FMN1: variants seen among roughly 807,000 people sequenced by gnomAD.
FMN1 encodes the protein formin 1.
A neutral mutation model predicts 132.4 loss-of-function variants in FMN1; 110 were observed. The observed-to-expected ratio is 0.83, with a 90% CI of 0.71 to 0.97. The LOEUF is 0.97. Among genes scored for constraint, FMN1 ranks in the 50% least tolerant of loss-of-function variants. The probability of loss-of-function intolerance (pLI) is 0.00; values close to 1 mark genes in which losing one functional copy is unlikely to be tolerated. For missense variants in FMN1, 1,792 were observed against 1,705.3 expected (o/e 1.05, Z -0.90); for synonymous variants, 722 against 651.7 (o/e 1.11, Z -1.64).
At chr15:32,783,356 A>C (rs560782706) in intron 19 of FMN1, among the ~76,000 whole-genome samples, 1 of 152,230 alleles carries the variant, frequency 6.6e-6, no homozygotes, top group African/African-American at 2.4e-5. Context: ...GTAAATACCA[A>C]GTGCTGCCAA....
At chr15:33,127,405 G>A (rs751072770) in intron 4 of FMN1, among the ~76,000 whole-genome samples, 8 of 152,144 alleles carry the variant, frequency 5.3e-5, no homozygotes, top group Non-Finnish European at 1.2e-4. Flanking sequence ...CTCAAAGGAT[G>A]GACCAGAACA....
chr15:32,987,983 T>C (rs1342380197), intron 7 of FMN1, among the ~76,000 whole-genome samples: 13 of 151,842 alleles, frequency 8.6e-5, no homozygotes, highest in Non-Finnish European at 1.9e-4. Context: ...GGGTAGTGCC[T>C]CGTTGCAGGT....
chr15:32,963,058 G>T (rs1326341074), intron 9 of FMN1, among the ~76,000 whole-genome samples: 1 of 146,502 alleles, frequency 6.8e-6, no homozygotes, highest in Non-Finnish European at 1.5e-5. Flanking sequence ...GTTTATTGTG[G>T]CATTATTCAC....
At position 32,915,643 on chromosome 15, in the gene FMN1, C is replaced by A. The variant is rs146021461; in HGVS notation, c.3227-5108G>T. On this transcript the variant is annotated intron_variant, in intron 10 of 20. Coordinates refer to ENST00000616417, the MANE Select transcript of FMN1 (RefSeq NM_001277313.2). Reference sequence around the variant, plus strand: ...GCCTCAAAGCTCTGATACAGTAATTCCAAGTAATCCTACTTTTGTTTCCAT... The same window carrying A: ...GCCTCAAAGCTCTGATACAGTAATTACAAGTAATCCTACTTTTGTTTCCAT... Among the ~76,000 whole-genome samples the A allele has an allele frequency of 7.9e-5, 12 of 151,380 alleles. No individual in the cohort carries two copies. The East Asian group carries it at 2.1e-3, about 27-fold the overall frequency.
intron 6 of FMN1, among the ~76,000 whole-genome samples, chr15:33,020,625 C>G (rs1300934248): frequency 2.3e-5 from 3 of 128,792 alleles, no homozygotes; most frequent in African/African-American, 9.2e-5. Context: ...GAGACAAGAG[C>G]GAAACTCCGT....
intron 3 of FMN1, among the ~76,000 whole-genome samples, chr15:33,160,166 A>G (rs1172481669): frequency 6.6e-6 from 1 of 152,086 alleles, no homozygotes; most frequent in Non-Finnish European, 1.5e-5. Flanking sequence ...GAACTTAAAC[A>G]CCATACGAAG....
intron 6 of FMN1, among the ~76,000 whole-genome samples, chr15:33,048,437 G>A (rs1289186512): frequency 6.6e-6 from 1 of 151,816 alleles, no homozygotes; most frequent in Non-Finnish European, 1.5e-5. Context: ...GCATGTTGTA[G>A]ATGGTCTTTG....
chr15:32,904,096 C>A (rs1456637818), intron 12 of FMN1, among the ~76,000 whole-genome samples: 1 of 152,096 alleles, frequency 6.6e-6, no homozygotes, highest in East Asian at 1.9e-4. Context: ...GCTTAATCTA[C>A]AGTCCCATCT....
chr15:33,124,332 TG>T lies in FMN1; in HGVS notation c.1867+28715del, dbSNP rs546565502. 1.3e-4 allele frequency among the ~76,000 whole-genome samples: 20 copies of T among 152,350 alleles called. 1 individual carries two copies. The East Asian group carries it at 3.9e-3, about 29-fold the overall frequency. On this transcript the variant is annotated intron_variant, in intron 4 of 20. Coordinates refer to ENST00000616417, the MANE Select transcript of FMN1 (RefSeq NM_001277313.2). ...GAAGGGGGTCTGGTCAGCGTCTTGC[TG>T]TGCTGTTATAGCCTCTCCGGGCTAC...
chr15:32,841,743 G>A (rs996003250), intron 17 of FMN1, among the ~76,000 whole-genome samples: 18 of 152,290 alleles, frequency 1.2e-4, no homozygotes, highest in African/African-American at 4.3e-4. Flanking sequence ...TCAGGAGAAT[G>A]AGAAAATCCT....
intron 16 of FMN1, among the ~76,000 whole-genome samples, chr15:32,874,975 C>T (rs1303400371): frequency 6.6e-6 from 1 of 152,180 alleles, no homozygotes; most frequent in Admixed American, 6.5e-5. Context: ...TGGGCGTTTC[C>T]CCTTTCTGTT....
At chr15:32,998,935 GA>G (rs923239054) in intron 7 of FMN1, among the ~76,000 whole-genome samples, 1 of 152,196 alleles carries the variant, frequency 6.6e-6, no homozygotes, top group African/African-American at 2.4e-5. Flanking sequence ...CCTTTTCCAT[GA>G]AAATTCAAGT....
chr15:33,132,406 G>C (rs1020903874), intron 4 of FMN1, among the ~76,000 whole-genome samples: 2 of 152,260 alleles, frequency 1.3e-5, no homozygotes, highest in Middle Eastern at 3.4e-3. Context: ...GTAGGCTTCA[G>C]GCATAAAGAA....
At chr15:33,057,459 T>A (rs955547598) in intron 6 of FMN1, among the ~76,000 whole-genome samples, 1 of 152,286 alleles carries the variant, frequency 6.6e-6, no homozygotes, top group East Asian at 1.9e-4. Context: ...TTCATATATA[T>A]TGTCTTATCT....
At chr15:32,787,436 C>T (rs1042019294) in intron 19 of FMN1, among the ~76,000 whole-genome samples, 3 of 152,238 alleles carry the variant, frequency 2.0e-5, no homozygotes, top group Admixed American at 1.3e-4. Context: ...CACCGACCAC[C>T]TCCTGTGCCT....
intron 15 of FMN1, among the ~76,000 whole-genome samples, chr15:32,893,458 CTTAA>C (rs1436667809): frequency 6.6e-6 from 1 of 152,222 alleles, no homozygotes; most frequent in Non-Finnish European, 1.5e-5. Flanking sequence ...ATGAAAGCTG[CTTAA>C]TTAGAGTTAA....
intron 5 of FMN1, among the ~76,000 whole-genome samples, chr15:33,071,461 T>C (rs1231200484): frequency 1.3e-5 from 2 of 152,204 alleles, no homozygotes; most frequent in East Asian, 3.9e-4. Flanking sequence ...CAACAATGAA[T>C]GAGGCTGTGA....
At chr15:33,078,921 C>A (rs1319322675) in intron 5 of FMN1, among the ~76,000 whole-genome samples, 1 of 152,160 alleles carries the variant, frequency 6.6e-6, no homozygotes, top group Non-Finnish European at 1.5e-5. Flanking sequence ...TTAGTGAATG[C>A]AGACAGAACC....
At chr15:33,009,757 GAAT>G (rs1234729146) in intron 6 of FMN1, among the ~76,000 whole-genome samples, 1 of 152,162 alleles carries the variant, frequency 6.6e-6, no homozygotes, top group Non-Finnish European at 1.5e-5. Context: ...CAAGGAAGTA[GAAT>G]AATTTTCAAA....
Sources: allele counts gnomAD v4.1 joint callset (sites outside exome capture counted in the v4.1 genomes callset), GRCh38; gene constraint gnomAD v4.1.1; transcripts MANE v1.5; gene names NCBI Gene and HGNC (gene_info 2026-07-23, HGNC 2026-07-21).